SH2D4A: variants seen among roughly 807,000 people sequenced by gnomAD.
SH2D4A encodes the protein SH2 domain-containing protein 4A.
A neutral mutation model predicts 64.7 loss-of-function variants in SH2D4A; 70 were observed. The ratio of observed to expected loss-of-function variants is 1.08; its 90% CI spans 0.89 to 1.32. SH2D4A has a LOEUF of 1.32. SH2D4A is among the 40% of genes most tolerant of loss of function. SH2D4A has a pLI of 0.00. For synonymous variants in SH2D4A, 268 were observed against 200.7 expected (o/e 1.34, Z -2.83); for missense variants, 706 against 540.1 (o/e 1.31, Z -3.04).
At chr8:19,322,770 A>T (rs2052213842) in intron 2 of SH2D4A, among the ~76,000 whole-genome samples, 1 of 151,804 alleles carries the variant, frequency 6.6e-6, no homozygotes, top group Non-Finnish European at 1.5e-5. Flanking sequence ...TCCCAGGTTC[A>T]AGCGATTCTC....
chr8:19,358,694 AAC>A (rs2052831886), intron 5 of SH2D4A, among the ~76,000 whole-genome samples: 1 of 152,196 alleles, frequency 6.6e-6, no homozygotes, highest in African/African-American at 2.4e-5. Flanking sequence ...AAGGTGATAA[AAC>A]AGAGGCATCC....
chr8:19,322,122 G>A (rs535833672), intron 2 of SH2D4A, among the ~76,000 whole-genome samples: 259 of 152,246 alleles, frequency 1.7e-3, no homozygotes, highest in Middle Eastern at 3.4e-3. Context: ...ACTACAGAAA[G>A]GGAAAAAGTT....
At position 19,353,790 on chromosome 8, in the gene SH2D4A, G is replaced by A. The variant is rs1266087142; in HGVS notation, c.514-3413G>A. Among the ~76,000 whole-genome samples, 17 of 150,158 alleles carry A rather than the reference G, an allele frequency of 1.1e-4. No homozygotes were observed. In the Admixed American group the frequency reaches 1.1e-3, roughly 10 times the overall value. ...CGTGTAAGTGTATCTAAATGAGCCT[G>A]CTTTCTGCAAGTTTTAAGTTTTTCA... On this transcript the variant is annotated intron_variant, in intron 4 of 9. Coordinates refer to ENST00000265807, the MANE Select transcript of SH2D4A (RefSeq NM_022071.4).
rs148316756 is a variant in SH2D4A, at chr8:19,393,370, C to G, written c.1101C>G (p.Pro367=). The G allele has an allele frequency of 4.8e-5, 78 of 1,614,068 alleles. No homozygotes were observed. In the African/African-American group the frequency reaches 7.3e-4, roughly 15 times the overall value. ...ANELLLSTGM[P]GSFLIRVSER... is the part of the protein sequence containing the mutation. The stretch of plus-strand genomic sequence containing the variant: ...AACTTCTTCTGAGCACAGGCATGCC[C>G]GGCAGTTTTCTCATCCGAGTCAGTG... Residue 367 remains proline, a synonymous_variant, in exon 9 of 10, where the codon CCC becomes CCG. Transcript: ENST00000265807.
At chr8:19,335,202 G>A (rs2052427156) in intron 4 of SH2D4A, among the ~76,000 whole-genome samples, 3 of 151,986 alleles carry the variant, frequency 2.0e-5, no homozygotes, top group South Asian at 2.1e-4. Flanking sequence ...GCAGGAGAAC[G>A]GCGTGAACCT....
At chr8:19,365,669 T>C (rs755059852) in intron 7 of SH2D4A, among the ~76,000 whole-genome samples, 7 of 152,232 alleles carry the variant, frequency 4.6e-5, no homozygotes, top group Non-Finnish European at 8.8e-5. Context: ...TATTTTCAGC[T>C]GTGCTCAGTT....
chr8:19,353,635 G>A (rs1183410733), intron 4 of SH2D4A, among the ~76,000 whole-genome samples: 2 of 148,086 alleles, frequency 1.4e-5, no homozygotes, highest in African/African-American at 2.5e-5. Context: ...CCAAAGTGCT[G>A]GGATTACAGG....
At chr8:19,394,431 A>G in intron 9 of SH2D4A, 119 bp from the exon 10 acceptor site, 2 of 662,036 alleles carry the variant, frequency 3.0e-6, no homozygotes, top group Admixed American at 2.8e-5. Flanking sequence ...TAAGATGATC[A>G]TAAACCACAA....
chr8:19,385,001 ACT>A (rs912174153), intron 8 of SH2D4A, among the ~76,000 whole-genome samples: 2 of 152,200 alleles, frequency 1.3e-5, no homozygotes, highest in African/African-American at 2.4e-5. Context: ...TTTAATGAAC[ACT>A]CTTACTCAAA....
At chr8:19,361,898 G>A (rs141838317) in intron 6 of SH2D4A, among the ~76,000 whole-genome samples, 7 of 152,202 alleles carry the variant, frequency 4.6e-5, no homozygotes, top group East Asian at 3.9e-4. Flanking sequence ...TTAGCATCCC[G>A]CTCCTGCCTG....
chr8:19,354,281 A>T lies in SH2D4A; in HGVS notation c.514-2922A>T, dbSNP rs376632147. On this transcript the variant is annotated intron_variant, in intron 4 of 9. Transcript: ENST00000265807. ...CTCTCAAAGTGCTGGGATTACAGGC[A>T]TGAGCCACCACGCATGGGCCTAATG... Among the ~76,000 whole-genome samples, 36 of 152,164 alleles carry T rather than the reference A, an allele frequency of 2.4e-4. 1 individual carries two copies. In the East Asian group the frequency reaches 3.9e-3, roughly 16 times the overall value.
At chr8:19,376,618 G>C (rs2053200965) in intron 8 of SH2D4A, among the ~76,000 whole-genome samples, 1 of 152,030 alleles carries the variant, frequency 6.6e-6, no homozygotes, top group Non-Finnish European at 1.5e-5. Flanking sequence ...GTGCTACTCT[G>C]TCTCAAAATA....
At chr8:19,324,174 C>T (rs1041634562) in intron 2 of SH2D4A, among the ~76,000 whole-genome samples, 16 of 152,172 alleles carry the variant, frequency 1.1e-4, no homozygotes, top group Non-Finnish European at 4.4e-5. Flanking sequence ...TATTGGGTAA[C>T]GCAAACAGAA....
At chr8:19,317,391 G>T (rs2052107757) in intron 1 of SH2D4A, among the ~76,000 whole-genome samples, 1 of 151,034 alleles carries the variant, frequency 6.6e-6, no homozygotes, top group East Asian at 1.9e-4. Flanking sequence ...ATCTGGGAAG[G>T]GCGTGATATT....
chr8:19,379,577 T>C (rs2053256146), intron 8 of SH2D4A, among the ~76,000 whole-genome samples: 1 of 152,202 alleles, frequency 6.6e-6, no homozygotes, highest in Admixed American at 6.5e-5. Flanking sequence ...ACGGTTGAAC[T>C]TTATAGAAAC....
At chr8:19,314,560 T>C (rs1326301277) in intron 1 of SH2D4A, among the ~76,000 whole-genome samples, 4 of 152,014 alleles carry the variant, frequency 2.6e-5, no homozygotes, top group Non-Finnish European at 4.4e-5. Context: ...GAGCTACAGT[T>C]TGTAGGTTTT....
At chr8:19,352,965 A>T (rs1361715239) in intron 4 of SH2D4A, among the ~76,000 whole-genome samples, 2 of 152,144 alleles carry the variant, frequency 1.3e-5, no homozygotes, top group Non-Finnish European at 2.9e-5. Flanking sequence ...AGCCCTGATC[A>T]TGCCACCGCA....
At chr8:19,369,570 T>C (rs2153649505) in intron 7 of SH2D4A, among the ~76,000 whole-genome samples, 2 of 152,184 alleles carry the variant, frequency 1.3e-5, no homozygotes, top group East Asian at 1.9e-4. Context: ...GTAGGTTGTA[T>C]GTGTCCAGGA....
chr8:19,388,460 C>T (rs2053427423), intron 8 of SH2D4A, among the ~76,000 whole-genome samples: 1 of 152,240 alleles, frequency 6.6e-6, no homozygotes, highest in South Asian at 2.1e-4. Context: ...AATTCCAGTG[C>T]TTCTCCTGAC....
Sources: gnomAD v4.1 joint callset for allele counts (sites outside exome capture counted in the v4.1 genomes callset) on GRCh38, gnomAD v4.1.1 for gene constraint, MANE v1.5 for transcripts, NCBI Gene and HGNC (gene_info 2026-07-23, HGNC 2026-07-21) for gene names.